The following ARHGAP32 variants were observed in gnomAD, a reference collection of about 807,000 sequenced individuals.
ARHGAP32 encodes the protein Rho GTPase activating protein 32, also known as rho GTPase-activating protein 32.
Under a neutral mutation model 186.5 loss-of-function variants are expected in ARHGAP32, and 51 were observed. That is an observed-to-expected ratio of 0.27 (90% confidence interval 0.22 to 0.35). The LOEUF (loss-of-function observed/expected upper bound fraction) is 0.35, where lower values mean the gene tolerates loss of function less well. Ranked by LOEUF, ARHGAP32 falls within the 10% of genes least tolerant of loss-of-function variation. The probability of loss-of-function intolerance (pLI) is 1.00; values close to 1 mark genes in which losing one functional copy is unlikely to be tolerated. For missense variants in ARHGAP32, 2,186 were observed against 2,623.5 expected (o/e 0.83, Z 3.64); for synonymous variants, 950 against 964.3 (o/e 0.99, Z 0.27).
chr11:129,226,981 T>C (rs1471843597), intron 1 of ARHGAP32, among the ~76,000 whole-genome samples: 2 of 152,124 alleles, frequency 1.3e-5, no homozygotes, highest in Admixed American at 6.5e-5. Context: ...ACAGTATAAA[T>C]GTATTTTTGC....
At chr11:129,141,571 T>C (rs1255938030) in intron 2 of ARHGAP32, among the ~76,000 whole-genome samples, 1 of 151,064 alleles carries the variant, frequency 6.6e-6, no homozygotes, top group African/African-American at 2.4e-5. Context: ...TGTATACCTA[T>C]GTAACAAACC....
chr11:129,113,179 A>G (rs1409842685), intron 5 of ARHGAP32, among the ~76,000 whole-genome samples: 1 of 152,188 alleles, frequency 6.6e-6, no homozygotes, highest in Admixed American at 6.6e-5. Context: ...ACCAAATACA[A>G]TGAAAAGTAT....
intron 11 of ARHGAP32, among the ~76,000 whole-genome samples, chr11:129,010,485 G>A (rs1162183059): frequency 6.6e-6 from 1 of 152,110 alleles, no homozygotes; most frequent in Non-Finnish European, 1.5e-5. Context: ...TGTAAGGAAG[G>A]GGTCTAGTTT....
intron 12 of ARHGAP32, among the ~76,000 whole-genome samples, chr11:128,996,857 C>G (rs1408214007): frequency 6.6e-6 from 1 of 152,016 alleles, no homozygotes; most frequent in Non-Finnish European, 1.5e-5. Flanking sequence ...AATCAGCTTA[C>G]CGACCCCCAC....
At chr11:129,251,468 C>T (rs1945181314) in intron 1 of ARHGAP32, among the ~76,000 whole-genome samples, 1 of 152,064 alleles carries the variant, frequency 6.6e-6, no homozygotes, top group African/African-American at 2.4e-5. Context: ...AAAATGACAT[C>T]TAAGTTGCTT....
intron 1 of ARHGAP32, among the ~76,000 whole-genome samples, chr11:129,221,861 C>G (rs1944716944): frequency 6.6e-6 from 1 of 151,940 alleles, no homozygotes; most frequent in East Asian, 1.9e-4. Context: ...TGCTCCAACC[C>G]TCTTCTTTCT....
chr11:129,004,245 CTTTTT>C (rs71057919), intron 11 of ARHGAP32, among the ~76,000 whole-genome samples: 3 of 116,384 alleles, frequency 2.6e-5, no homozygotes, highest in African/African-American at 6.6e-5. Context: ...CAATGCTTTC[CTTTTT>C]TTTTTTTTTT....
chr11:129,183,576 C>T (rs1166278375), intron 1 of ARHGAP32, among the ~76,000 whole-genome samples: 2 of 152,042 alleles, frequency 1.3e-5, no homozygotes, highest in Non-Finnish European at 2.9e-5. Context: ...CTGAAAGTGG[C>T]ACTTTTTCTT....
chr11:129,192,126 G>A lies in ARHGAP32; in HGVS notation c.73C>T (p.Gln25Ter), dbSNP rs1944283436. The change falls in exon 1 of 23, where the codon CAG (glutamine) becomes TAG (stop). Residue 25 changes from glutamine (Q) to a stop codon, truncating the protein, a stop_gained. Coordinates refer to ENST00000682385, the MANE Select transcript of ARHGAP32 (RefSeq NM_001378024.1). LOFTEE classifies it high-confidence loss of function. ...TCTTCCTCTTCACAGTCAGTCACCT[G>A]GATTATAACTTCAGACTCCAACCAG... ...VFWLESEVII[Q>*]VTDCEEEERE... is the part of the protein sequence containing the mutation. 1.9e-6 allele frequency: 3 copies of A among 1,613,690 alleles called. No homozygotes were observed. The highest frequency in any genetic ancestry group is 1.1e-5 in the South Asian group (1 of 91,074).
At chr11:129,249,809 G>A (rs994365332) in intron 1 of ARHGAP32, among the ~76,000 whole-genome samples, 1 of 151,804 alleles carries the variant, frequency 6.6e-6, no homozygotes, top group Non-Finnish European at 1.5e-5. Context: ...AACATCTAGA[G>A]GCAGCAATAC....
At chr11:129,149,187 T>C (rs988350651) in intron 2 of ARHGAP32, among the ~76,000 whole-genome samples, 2 of 152,176 alleles carry the variant, frequency 1.3e-5, no homozygotes, top group South Asian at 4.1e-4. Context: ...GCCAATCTAC[T>C]TGGGCCATAA....
chr11:129,041,115 A>C (rs1939575320), intron 10 of ARHGAP32, 106 bp from the exon 11 acceptor site: 1 of 643,872 alleles, frequency 1.6e-6, no homozygotes, highest in African/African-American at 1.8e-5. Context: ...CTCCCAAATG[A>C]TTCTATTATT....
intron 6 of ARHGAP32, among the ~76,000 whole-genome samples, chr11:129,075,178 C>T (rs1312844552): frequency 6.6e-6 from 1 of 152,142 alleles, no homozygotes; most frequent in African/African-American, 2.4e-5. Context: ...TCACTTTAAA[C>T]ATCAGTGGTC....
chr11:129,014,246 G>A (rs555806994), intron 11 of ARHGAP32, among the ~76,000 whole-genome samples: 2 of 152,076 alleles, frequency 1.3e-5, no homozygotes, highest in African/African-American at 2.4e-5. Flanking sequence ...TATGACACAC[G>A]ACCTAGTATC....
At chr11:129,129,538 C>T (rs1942761994) in intron 2 of ARHGAP32, among the ~76,000 whole-genome samples, 1 of 152,210 alleles carries the variant, frequency 6.6e-6, no homozygotes, top group Non-Finnish European at 1.5e-5. Context: ...GAGGTGTACC[C>T]AACAGCTCAT....
At chr11:129,016,887 C>T (rs1938369218) in intron 11 of ARHGAP32, among the ~76,000 whole-genome samples, 1 of 152,204 alleles carries the variant, frequency 6.6e-6, no homozygotes, top group South Asian at 2.1e-4. Flanking sequence ...TTATGTCCTT[C>T]AATAAATTGT....
intron 1 of ARHGAP32, among the ~76,000 whole-genome samples, chr11:129,236,676 A>G (rs1188643792): frequency 6.6e-6 from 1 of 152,172 alleles, no homozygotes; most frequent in East Asian, 1.9e-4. Context: ...TTTTCTAGGT[A>G]TACAATCACA....
At chr11:129,193,605 TATATA>T (rs1295424371), upstream of ARHGAP32, among the ~76,000 whole-genome samples, 120 of 74,290 alleles carry the variant, frequency 1.6e-3, 4 homozygotes, top group African/African-American at 2.8e-3. Context: ...TTATATATAA[TATATA>T]ATATATGTTA....
chr11:129,127,318 A>G (rs1302918403), intron 2 of ARHGAP32, among the ~76,000 whole-genome samples: 1 of 152,176 alleles, frequency 6.6e-6, no homozygotes, highest in African/African-American at 2.4e-5. Flanking sequence ...AAAAAGACAA[A>G]ATGATAATAA....
Sources: gnomAD v4.1 joint callset for allele counts (sites outside exome capture counted in the v4.1 genomes callset) on GRCh38, gnomAD v4.1.1 for gene constraint, MANE v1.5 for transcripts, NCBI Gene and HGNC (gene_info 2026-07-23, HGNC 2026-07-21) for gene names.